EDNRA: variants seen among roughly 807,000 people sequenced by gnomAD.
EDNRA encodes the protein endothelin receptor type A.
In EDNRA, 11 loss-of-function variants were observed where a neutral mutation model predicts 41.4. The ratio of observed to expected loss-of-function variants is 0.27; its 90% CI spans 0.17 to 0.44. EDNRA has a LOEUF of 0.44. Among genes scored for constraint, EDNRA ranks in the 20% least tolerant of loss-of-function variants. The probability of loss-of-function intolerance (pLI) is 1.00; values close to 1 mark genes in which losing one functional copy is unlikely to be tolerated. For missense variants in EDNRA, 294 were observed against 531.0 expected (o/e 0.55, Z 4.39); for synonymous variants, 172 against 183.0 (o/e 0.94, Z 0.49).
chr4:147,531,490 C>CT (rs1315996825), intron 3 of EDNRA, among the ~76,000 whole-genome samples: 2 of 152,140 alleles, frequency 1.3e-5, no homozygotes, highest in African/African-American at 4.8e-5. Context: ...TTTAAGGTTT[C>CT]TTTTTTTATT....
intron 2 of EDNRA, among the ~76,000 whole-genome samples, chr4:147,505,326 C>CTTTT (rs1729660192): frequency 1.5e-4 from 12 of 82,022 alleles, no homozygotes; most frequent in African/African-American, 6.5e-4. Flanking sequence ...TTTCTTTTTT[C>CTTTT]ATTTTTTTTT....
At chr4:147,527,296 G>A (rs1441772487) in intron 3 of EDNRA, among the ~76,000 whole-genome samples, 5 of 152,190 alleles carry the variant, frequency 3.3e-5, no homozygotes, top group South Asian at 2.1e-4. Context: ...GCTTATAGGC[G>A]TCTTATTCAC....
Position 147,532,506 on chromosome 4 carries a change from G to A in EDNRA, c.549G>A (p.Arg183=). Residue 183 remains arginine (R), a splice_region_variant and synonymous_variant, in exon 4 of 8, where the codon AGG becomes AGA. Transcript: ENST00000651419. ...VLNLCALSVD[R]YRAVASWSRV... is the part of the protein sequence containing the mutation. ...TTGGTTCCATTACCCTTTTTTTCAGGTACAGAGCAGTTGCCTCCTGGAGTC... is the reference window on the plus strand; with the variant it reads ...TTGGTTCCATTACCCTTTTTTTCAGATACAGAGCAGTTGCCTCCTGGAGTC... The A allele has an allele frequency of 6.2e-7, 1 of 1,612,678 alleles. No homozygotes were observed. The highest frequency in any genetic ancestry group is 8.5e-7 in the Non-Finnish European group (1 of 1,179,564).
chr4:147,505,218 AG>A (rs869248777), intron 2 of EDNRA, among the ~76,000 whole-genome samples: 2,333 of 60,712 alleles, frequency 0.038, 67 homozygotes, highest in African/African-American at 0.16. Context: ...AAAAAAAAAG[AG>A]AGAGAGAGAG....
chr4:147,494,350 G>A, intron 2 of EDNRA: 1 of 152,306 alleles, frequency 6.6e-6, no homozygotes, highest in African/African-American at 2.4e-5. Context: ...TAAGTACAAT[G>A]GGAAAAGAGA....
At chr4:147,529,333 A>G (rs1185146138) in intron 3 of EDNRA, among the ~76,000 whole-genome samples, 2 of 152,154 alleles carry the variant, frequency 1.3e-5, no homozygotes, top group African/African-American at 2.4e-5. Flanking sequence ...AAGGTGAGGC[A>G]CCAGGCTAGA....
chr4:147,507,999 T>G (rs1729781650), intron 2 of EDNRA, among the ~76,000 whole-genome samples: 1 of 152,230 alleles, frequency 6.6e-6, no homozygotes, highest in Admixed American at 6.5e-5. Context: ...GTATTTATTT[T>G]ATTTTAGTTA....
chr4:147,501,215 A>T (rs1025414829), intron 2 of EDNRA, among the ~76,000 whole-genome samples: 2 of 152,240 alleles, frequency 1.3e-5, no homozygotes, highest in Admixed American at 6.5e-5. Flanking sequence ...GGAGAAAAGT[A>T]AGTGCCTGAG....
At chr4:147,499,908 G>A (rs1002023138) in intron 2 of EDNRA, among the ~76,000 whole-genome samples, 3 of 143,730 alleles carry the variant, frequency 2.1e-5, no homozygotes, top group East Asian at 2.1e-4. Context: ...GAGTTCAAGC[G>A]ATTCTCCTAC....
At chr4:147,528,740 G>A (rs1730644368) in intron 3 of EDNRA, among the ~76,000 whole-genome samples, 1 of 152,168 alleles carries the variant, frequency 6.6e-6, no homozygotes, top group Non-Finnish European at 1.5e-5. Flanking sequence ...ATGAATCAGG[G>A]TGAGAGAGAC....
At chr4:147,503,729 A>G (rs1056464974) in intron 2 of EDNRA, among the ~76,000 whole-genome samples, 2 of 152,232 alleles carry the variant, frequency 1.3e-5, no homozygotes, top group Non-Finnish European at 2.9e-5. Flanking sequence ...GTCAAAACAC[A>G]GTATTAATCT....
chr4:147,530,837 A>G lies in EDNRA; in HGVS notation c.549-1669A>G, dbSNP rs193214948. Among the ~76,000 whole-genome samples, 387 of 152,296 alleles carry G rather than the reference A, an allele frequency of 2.5e-3. 2 individuals carry two copies. Among genetic ancestry groups the G allele is most frequent in the African/African-American group, 8.7e-3 (361 of 41,568 alleles). ...TGATTAATCTTCTACATTACTTTGC[A>G]TGTCCTGCAAACCCATGAGCACCTG... On this transcript the variant is annotated intron_variant, in intron 3 of 7. Transcript: ENST00000651419.
At chr4:147,527,637 C>G (rs1730600120) in intron 3 of EDNRA, among the ~76,000 whole-genome samples, 1 of 152,168 alleles carries the variant, frequency 6.6e-6, no homozygotes. Flanking sequence ...CTATCCCAGA[C>G]CACACCTTCA....
chr4:147,522,050 A>G (rs770111391), intron 3 of EDNRA, among the ~76,000 whole-genome samples: 4 of 152,218 alleles, frequency 2.6e-5, no homozygotes, highest in South Asian at 4.1e-4. Context: ...ATACACAAGA[A>G]TGTATTAATA....
chr4:147,485,729 A>T lies in EDNRA; in HGVS notation c.48A>T (p.Gly16=). The T allele has an allele frequency of 6.2e-7, 1 of 1,613,874 alleles. No individual in the cohort carries two copies. The highest frequency in any genetic ancestry group is 8.5e-7 in the Non-Finnish European group (1 of 1,179,860). ...CATCCTTTTGGCTGGCACTGGTTGG[A>T]TGTGTAATCAGTGATAATCCTGAGA... ...LRASFWLALV[G]CVISDNPERY... Residue 16 remains glycine, a synonymous_variant, in exon 2 of 8, where the codon GGA becomes GGT. Coordinates refer to ENST00000651419, the MANE Select transcript of EDNRA (RefSeq NM_001957.4).
intron 1 of EDNRA, among the ~76,000 whole-genome samples, chr4:147,481,988 C>G (rs1728777175): frequency 6.6e-6 from 1 of 152,210 alleles, no homozygotes; most frequent in Non-Finnish European, 1.5e-5. Flanking sequence ...AGGGCTGCTT[C>G]TAGATAATCA....
chr4:147,499,066 C>A (rs1310547147), intron 2 of EDNRA, among the ~76,000 whole-genome samples: 2 of 152,040 alleles, frequency 1.3e-5, no homozygotes, highest in Admixed American at 6.6e-5. Context: ...TCTTTTTCTT[C>A]TTTTTTCGAG....
intron 2 of EDNRA, among the ~76,000 whole-genome samples, chr4:147,512,929 C>CTTCCATA (rs1729975550): frequency 6.6e-6 from 1 of 152,196 alleles, no homozygotes; most frequent in African/African-American, 2.4e-5. Flanking sequence ...ATGGCTCACA[C>CTTCCATA]TTCCATATTC....
At chr4:147,532,258 G>A (rs1266787880) in intron 3 of EDNRA, among the ~76,000 whole-genome samples, 3 of 149,698 alleles carry the variant, frequency 2.0e-5, no homozygotes, top group Non-Finnish European at 3.0e-5. Context: ...CCTGGGAGGC[G>A]GAGCTTGCAG....
Sources: allele counts gnomAD v4.1 joint callset (sites outside exome capture counted in the v4.1 genomes callset), GRCh38; gene constraint gnomAD v4.1.1; transcripts MANE v1.5; gene names NCBI Gene and HGNC (gene_info 2026-07-23, HGNC 2026-07-21).